Variants in PLD1 observed in about 807,000 individuals in gnomAD.
PLD1 encodes choline phosphatase 1.
In PLD1, 112 loss-of-function variants were observed where a neutral mutation model predicts 137.1. The observed-to-expected ratio is 0.82, with a 90% confidence interval of 0.70 to 0.96. The LOEUF (loss-of-function observed/expected upper bound fraction) is 0.96, where lower values mean the gene tolerates loss of function less well. Among genes scored for constraint, PLD1 ranks in the 40% least tolerant of loss-of-function variants. The pLI, the probability that PLD1 is intolerant of heterozygous loss-of-function variation, is 0.00. For missense variants in PLD1, 1,321 were observed against 1,342.0 expected (o/e 0.98, Z 0.24); for synonymous variants, 431 against 454.7 (o/e 0.95, Z 0.66).
At position 171,651,323 on chromosome 3, in the gene PLD1, GGTGT is replaced by G. The variant is rs3050440; in HGVS notation, c.2430-6304_2430-6301del. Among the ~76,000 whole-genome samples, 1,264 of 150,384 alleles carry G rather than the reference GGTGT, an allele frequency of 8.4e-3. 13 individuals carry two copies. Among genetic ancestry groups the G allele is most frequent in the Non-Finnish European group, 0.013 (902 of 67,374 alleles). The stretch of plus-strand genomic sequence containing the variant: ...AGGAAGAATTGTGGTTAGGGCTTAG[GGTGT>G]GTGTGTGTGTGTGTGTGTGTGTAAA... On this transcript the variant is annotated intron_variant, in intron 21 of 26. Coordinates refer to ENST00000351298, the MANE Select transcript of PLD1 (RefSeq NM_002662.5).
intron 16 of PLD1, among the ~76,000 whole-genome samples, chr3:171,679,675 T>C (rs982297906): frequency 6.6e-6 from 1 of 152,244 alleles, no homozygotes; most frequent in African/African-American, 2.4e-5. Context: ...TAAAGGAAAT[T>C]CTTAGTCTCA....
chr3:171,741,732 G>A (rs776948947), intron 1 of PLD1, among the ~76,000 whole-genome samples: 1 of 152,042 alleles, frequency 6.6e-6, no homozygotes, highest in Non-Finnish European at 1.5e-5. Flanking sequence ...ATCTTTGCAG[G>A]GAAGATTTAA....
chr3:171,793,275 A>C (rs1489333832), intron 1 of PLD1: 2 of 152,194 alleles, frequency 1.3e-5, no homozygotes, highest in African/African-American at 4.8e-5. Flanking sequence ...AGATTGGGAA[A>C]TTTTCAGCAA....
chr3:171,616,903 T>C (rs967958079), intron 24 of PLD1, among the ~76,000 whole-genome samples: 1 of 152,222 alleles, frequency 6.6e-6, no homozygotes, highest in African/African-American at 2.4e-5. Context: ...TACCCCGTTT[T>C]AGTTTGTTTT....
At chr3:171,768,303 C>G (rs60714336) in intron 1 of PLD1, among the ~76,000 whole-genome samples, 5,408 of 152,164 alleles carry the variant, frequency 0.036, 222 homozygotes, top group African/African-American at 0.098. Flanking sequence ...GGTACGTAAC[C>G]ATAAGACCTA....
intron 21 of PLD1, chr3:171,653,525 C>T (rs1560183739): frequency 6.6e-6 from 1 of 152,194 alleles, no homozygotes; most frequent in African/African-American, 2.4e-5. Context: ...AAACAAGTCA[C>T]ATGATGAACA....
intron 23 of PLD1, among the ~76,000 whole-genome samples, chr3:171,638,581 T>C (rs1735363587): frequency 6.6e-6 from 1 of 152,200 alleles, no homozygotes; most frequent in African/African-American, 2.4e-5. Flanking sequence ...TAGAACTAAT[T>C]AGCAAAGCCA....
chr3:171,623,997 CAAAAAAA>C (rs369934863), intron 23 of PLD1, among the ~76,000 whole-genome samples: 1 of 65,436 alleles, frequency 1.5e-5, no homozygotes, highest in African/African-American at 4.8e-5. Flanking sequence ...TATCCAGAGG[CAAAAAAA>C]AAAAAAAAAA....
At chr3:171,617,331 C>T (rs1428160972) in intron 24 of PLD1, among the ~76,000 whole-genome samples, 1 of 152,162 alleles carries the variant, frequency 6.6e-6, no homozygotes. Flanking sequence ...CTCATGAGCT[C>T]GACTTAGTTT....
At chr3:171,749,581 T>C (rs1212900817) in intron 1 of PLD1, among the ~76,000 whole-genome samples, 2 of 152,224 alleles carry the variant, frequency 1.3e-5, no homozygotes, top group South Asian at 2.1e-4. Context: ...CTGGAATATA[T>C]ATATGAAACT....
intron 8 of PLD1, among the ~76,000 whole-genome samples, chr3:171,717,024 A>G (rs1236088636): frequency 6.6e-6 from 1 of 152,134 alleles, no homozygotes; most frequent in Non-Finnish European, 1.5e-5. Context: ...GTAGGTGTGC[A>G]GTATTATTTC....
intron 1 of PLD1, chr3:171,789,458 T>TAAA (rs1245017854): frequency 6.6e-6 from 1 of 152,240 alleles, no homozygotes; most frequent in Non-Finnish European, 1.5e-5. Context: ...GAAAGATGGC[T>TAAA]CTGTAAAACT....
rs923944744 is a variant in PLD1 at position 171,738,314 on chromosome 3, GA to G, written c.-31-233del. On this transcript the variant is annotated intron_variant, in intron 1 of 26. Transcript: ENST00000351298. ...AATTGAAAACAAGAGAAAAAAAAAA[GA>G]AAAAAAAAAGCAACACCACATTGAA... is the stretch of plus-strand genomic sequence containing the variant. Among the ~76,000 whole-genome samples, 119 of 142,492 alleles carry G rather than the reference GA, an allele frequency of 8.4e-4. 1 individual carries two copies. The East Asian group carries it at 0.018, about 22-fold the overall frequency. The allele number at this position is 142,492 out of a possible 152,430, so 93.5% of individuals were successfully genotyped here. A position where few individuals can be genotyped will look rare whatever the true frequency, so the allele number is the denominator to read the frequency against.
chr3:171,640,909 T>C (rs1735678967), intron 23 of PLD1, among the ~76,000 whole-genome samples: 2 of 152,342 alleles, frequency 1.3e-5, no homozygotes, highest in Middle Eastern at 6.8e-3. Context: ...CAGTCAGCTG[T>C]GATGCTAAAT....
intron 19 of PLD1, among the ~76,000 whole-genome samples, chr3:171,665,031 T>G (rs148283631): frequency 7.3e-4 from 111 of 152,346 alleles, no homozygotes; most frequent in African/African-American, 2.4e-3. Context: ...CATCTGAGTT[T>G]TTCCCTCGAA....
At chr3:171,619,495 T>C (rs1320913414) in intron 24 of PLD1, among the ~76,000 whole-genome samples, 1 of 152,152 alleles carries the variant, frequency 6.6e-6, no homozygotes, top group Admixed American at 6.5e-5. Flanking sequence ...CATCCTATCA[T>C]TAGTACACAA....
At chr3:171,669,925 C>T (rs1406297864) in intron 19 of PLD1, among the ~76,000 whole-genome samples, 1 of 152,222 alleles carries the variant, frequency 6.6e-6, no homozygotes, top group African/African-American at 2.4e-5. Flanking sequence ...GAGATGTTAA[C>T]ACAGTCTGGC....
intron 16 of PLD1, among the ~76,000 whole-genome samples, chr3:171,682,916 A>G (rs118007678): frequency 6.6e-6 from 1 of 152,206 alleles, no homozygotes; most frequent in African/African-American, 2.4e-5. Context: ...TAAAAAATTA[A>G]ATTTGTATTT....
At chr3:171,730,450 A>G (rs1353940715) in intron 6 of PLD1, among the ~76,000 whole-genome samples, 6 of 151,992 alleles carry the variant, frequency 3.9e-5, no homozygotes, top group Non-Finnish European at 8.8e-5. Flanking sequence ...AAAGCAGAGG[A>G]AGTCTTCATA....
Sources: allele counts gnomAD v4.1 joint callset (sites outside exome capture counted in the v4.1 genomes callset), GRCh38; gene constraint gnomAD v4.1.1; transcripts MANE v1.5; gene names NCBI Gene and HGNC (gene_info 2026-07-23, HGNC 2026-07-21).